COL6A5: variants seen among roughly 807,000 people sequenced by gnomAD.
COL6A5 encodes the protein collagen alpha-5(VI) chain.
A neutral mutation model predicts 65.6 loss-of-function variants in COL6A5; 48 were observed. The ratio of observed to expected loss-of-function variants is 0.73; its 90% CI spans 0.58 to 0.93. The LOEUF (loss-of-function observed/expected upper bound fraction) is 0.93. Ranked by LOEUF, COL6A5 falls within the 40% of genes least tolerant of loss-of-function variation. The pLI is 0.00. For missense variants in COL6A5, 914 were observed against 928.3 expected, an observed-to-expected ratio of 0.98 and a Z score of 0.20; for synonymous variants, 291 against 322.8, an observed-to-expected ratio of 0.90 and a Z score of 1.05.
intron 12 of COL6A5, among the ~76,000 whole-genome samples, chr3:130,402,905 G>C (rs560444439): frequency 6.6e-6 from 1 of 152,288 alleles, no homozygotes; most frequent in African/African-American, 2.4e-5. Flanking sequence ...ACTTGCTCAT[G>C]AGTTCTGCAC....
At chr3:130,426,437 A>C (rs1475215187) in intron 31 of COL6A5, 34 bp downstream of exon 31, 2 of 1,549,494 alleles carry the variant, frequency 1.3e-6, no homozygotes, top group East Asian at 4.9e-5. Flanking sequence ...AGCATCCATC[A>C]ATGGTTGGTG....
intron 7 of COL6A5, among the ~76,000 whole-genome samples, chr3:130,480,501 C>G (rs1710210055): frequency 6.6e-6 from 1 of 152,006 alleles, no homozygotes; most frequent in African/African-American, 2.4e-5. Flanking sequence ...GAAATGAACA[C>G]TATAAACTAT....
exon 4 of COL6A5, chr3:130,379,773 T>G: frequency 1.3e-6 from 2 of 1,551,388 alleles, no homozygotes; most frequent in Non-Finnish European, 1.7e-6. Context: ...TGCCTCAGAT[T>G]GCAGTTCTGG....
chr3:130,379,950 A>G, exon 4 of COL6A5: 1 of 1,551,332 alleles, frequency 6.4e-7, no homozygotes, highest in Non-Finnish European at 8.7e-7. Flanking sequence ...AGTCCTATGC[A>G]GACTTAGAAA....
intron 5 of COL6A5, among the ~76,000 whole-genome samples, chr3:130,387,864 A>T (rs940004639): frequency 6.6e-6 from 1 of 151,864 alleles, no homozygotes; most frequent in Admixed American, 6.6e-5. Flanking sequence ...GATTATAGAA[A>T]TTGGTTTTAT....
At chr3:130,395,270 G>C in exon 8 of COL6A5, 1 of 1,551,686 alleles carries the variant, frequency 6.4e-7, no homozygotes, top group South Asian at 1.2e-5. Flanking sequence ...TGATGTGGCA[G>C]ATGCAGTAAA....
exon 31 of COL6A5, chr3:130,426,401 G>T: frequency 1.9e-6 from 3 of 1,551,122 alleles, no homozygotes; most frequent in Non-Finnish European, 2.6e-6. Flanking sequence ...CGGGAACATA[G>T]TCGTGAGTAT....
Position 130,455,438 on chromosome 3 carries a change from G to GTT in COL6A5, c.1333-9_1333-8dup. 1.3e-6 allele frequency: 2 copies of GTT among 1,515,496 alleles called. No individual in the cohort carries two copies. Among genetic ancestry groups the GTT allele is most frequent in the Non-Finnish European group, 1.8e-6 (2 of 1,098,266 alleles). The allele number at this position is 1,515,496 out of a possible 1,614,324, so 93.9% of individuals were successfully genotyped here. A position where few individuals can be genotyped will look rare whatever the true frequency, so the allele number is the denominator to read the frequency against. On this transcript the variant is annotated splice_polypyrimidine_tract_variant and intron_variant, in intron 4 of 7. Coordinates refer to ENST00000512836, the Ensembl canonical transcript of COL6A5. ...CTAAAGTTATCTAGACTCACCTAAA[G>GTT]TTTTTTTTTCTTCTAGATTTGTTAC...
chr3:130,415,259 A>G (rs532346904), intron 22 of COL6A5, among the ~76,000 whole-genome samples: 1 of 152,276 alleles, frequency 6.6e-6, no homozygotes, highest in South Asian at 2.1e-4. Flanking sequence ...TTTTGTGCTA[A>G]CTTGAAACAA....
chr3:130,467,590 T>C (rs1464865353), intron 5 of COL6A5, among the ~76,000 whole-genome samples: 2 of 152,092 alleles, frequency 1.3e-5, no homozygotes, highest in South Asian at 2.1e-4. Context: ...AATCCAACAA[T>C]AGATTTGTAA....
At chr3:130,389,083 C>T in exon 6 of COL6A5, 1 of 1,465,502 alleles carries the variant, frequency 6.8e-7, no homozygotes, top group South Asian at 1.5e-5. Flanking sequence ...GAACTTCGAT[C>T]ATCTAAAGGC....
intron 4 of COL6A5, among the ~76,000 whole-genome samples, chr3:130,453,619 A>G (rs1318021846): frequency 6.6e-6 from 1 of 152,188 alleles, no homozygotes; most frequent in Non-Finnish European, 1.5e-5. Flanking sequence ...AAATATAACA[A>G]ATTAGTCTGA....
intron 20 of COL6A5, among the ~76,000 whole-genome samples, chr3:130,411,651 A>C (rs1172179856): frequency 6.6e-6 from 1 of 152,202 alleles, no homozygotes; most frequent in African/African-American, 2.4e-5. Context: ...TAAATGCTAT[A>C]AATTTTAAAG....
intron 7 of COL6A5, among the ~76,000 whole-genome samples, chr3:130,481,691 A>G (rs957965574): frequency 2.0e-5 from 3 of 152,176 alleles, no homozygotes; most frequent in East Asian, 3.9e-4. Context: ...ATTTCTCCAC[A>G]TCCTCACCAG....
intron 20 of COL6A5, 61 bp downstream of exon 20, chr3:130,410,585 C>G: frequency 1.4e-6 from 2 of 1,391,666 alleles, no homozygotes; most frequent in Non-Finnish European, 2.0e-6. Flanking sequence ...CAGAGGCATT[C>G]AGAATATTTG....
rs752676215 is a variant in COL6A5 at position 130,406,182 on chromosome 3, C to T, written c.4425+7C>T. On this transcript the variant is annotated splice_region_variant and intron_variant and NMD_transcript_variant, in intron 16 of 41. Transcript: ENST00000312481. ...TGGACTTGATGGGGAAGAGGTAAGC[C>T]ATATTTCTTCAAGTATCATAAAACT... is the stretch of plus-strand genomic sequence containing the variant. The T allele has an allele frequency of 1.5e-5, 24 of 1,550,240 alleles. No individual in the cohort carries two copies. Among genetic ancestry groups the T allele is most frequent in the Non-Finnish European group, 2.1e-5 (24 of 1,145,716 alleles).
intron 1 of COL6A5, among the ~76,000 whole-genome samples, chr3:130,358,088 C>A (rs1362014848): frequency 6.6e-6 from 1 of 152,054 alleles, no homozygotes; most frequent in Non-Finnish European, 1.5e-5. Context: ...ACTCGGGAGG[C>A]TGAGGCAGGA....
chr3:130,454,010 T>A (rs1559912387), intron 4 of COL6A5, among the ~76,000 whole-genome samples: 1 of 152,184 alleles, frequency 6.6e-6, no homozygotes, highest in Non-Finnish European at 1.5e-5. Flanking sequence ...TAAAGTCATT[T>A]ACAAGGAAAA....
intron 7 of COL6A5, among the ~76,000 whole-genome samples, chr3:130,393,366 G>A (rs765634139): frequency 6.6e-5 from 10 of 151,902 alleles, no homozygotes; most frequent in Non-Finnish European, 1.5e-4. Flanking sequence ...ACCTGACCCC[G>A]TGTCCCCACT....
Sources: gnomAD v4.1 joint callset for allele counts (sites outside exome capture counted in the v4.1 genomes callset) on GRCh38, gnomAD v4.1.1 for gene constraint, MANE v1.5 for transcripts, NCBI Gene and HGNC (gene_info 2026-07-23, HGNC 2026-07-21) for gene names.